Variants in ATXN1 observed in about 807,000 individuals in gnomAD.
The protein encoded by ATXN1 is ataxin-1.
ATXN1 carries 8 observed loss-of-function variants against 56.4 expected under a neutral mutation model. The observed-to-expected ratio is 0.14, with a 90% CI of 0.08 to 0.26. The LOEUF (loss-of-function observed/expected upper bound fraction) is 0.26, where lower values mean the gene tolerates loss of function less well. Among genes scored for constraint, ATXN1 ranks in the 10% least tolerant of loss-of-function variants. The probability of loss-of-function intolerance (pLI) is 1.00; values close to 1 mark genes in which losing one functional copy is unlikely to be tolerated. For missense variants in ATXN1, 987 were observed against 1,106.5 expected (o/e 0.89, Z 1.53); for synonymous variants, 514 against 494.6 (o/e 1.04, Z -0.52).
intron 5 of ATXN1, among the ~76,000 whole-genome samples, chr6:16,490,224 T>C (rs1760634402): frequency 6.6e-6 from 1 of 152,104 alleles, no homozygotes. Context: ...GCCTCTCTAC[T>C]TGGAGTCTGA....
chr6:16,603,311 T>C (rs1762944917), intron 3 of ATXN1, among the ~76,000 whole-genome samples: 1 of 152,108 alleles, frequency 6.6e-6, no homozygotes, highest in Non-Finnish European at 1.5e-5. Context: ...CACTCCTCCC[T>C]CCTCTCCTTC....
chr6:16,386,682 G>T (rs1254237386), intron 6 of ATXN1, among the ~76,000 whole-genome samples: 1 of 152,102 alleles, frequency 6.6e-6, no homozygotes, highest in Non-Finnish European at 1.5e-5. Context: ...CTTGTGTAAA[G>T]AGTATAATGG....
intron 2 of ATXN1, among the ~76,000 whole-genome samples, chr6:16,673,314 G>A (rs1380076211): frequency 4.6e-5 from 7 of 152,144 alleles, no homozygotes; most frequent in Non-Finnish European, 7.3e-5. Context: ...CATACTTTCC[G>A]GCTTTACCAA....
At chr6:16,655,730 T>C (rs1282555341) in intron 3 of ATXN1, among the ~76,000 whole-genome samples, 1 of 151,640 alleles carries the variant, frequency 6.6e-6, no homozygotes, top group Non-Finnish European at 1.5e-5. Flanking sequence ...ATTAAATACA[T>C]AAAAATGAAT....
At chr6:16,723,122 A>G (rs1338014982) in intron 2 of ATXN1, among the ~76,000 whole-genome samples, 1 of 152,220 alleles carries the variant, frequency 6.6e-6, no homozygotes, top group African/African-American at 2.4e-5. Flanking sequence ...GGAGAATTCT[A>G]CTAAGGATTA....
intron 4 of ATXN1, among the ~76,000 whole-genome samples, chr6:16,558,889 C>T (rs1762064239): frequency 1.3e-5 from 2 of 151,652 alleles, no homozygotes; most frequent in Admixed American, 1.3e-4. Context: ...GACAAAAGGA[C>T]TAATCTTTTT....
At chr6:16,681,927 A>C (rs1758820549) in intron 2 of ATXN1, among the ~76,000 whole-genome samples, 1 of 152,202 alleles carries the variant, frequency 6.6e-6, no homozygotes, top group Admixed American at 6.5e-5. Flanking sequence ...ATGCATGATT[A>C]AAGTACCAAT....
At chr6:16,567,945 T>A (rs1456094958) in intron 4 of ATXN1, among the ~76,000 whole-genome samples, 1 of 152,198 alleles carries the variant, frequency 6.6e-6, no homozygotes, top group Non-Finnish European at 1.5e-5. Flanking sequence ...GTATTTTCCT[T>A]CCATGTGTTA....
chr6:16,448,651 G>C (rs1159284482), intron 6 of ATXN1, among the ~76,000 whole-genome samples: 1 of 152,194 alleles, frequency 6.6e-6, no homozygotes, highest in African/African-American at 2.4e-5. Context: ...AAATAAAAGT[G>C]TCTTACATTG....
rs140869551 is a variant in ATXN1 at position 16,452,014 on chromosome 6, C to T, written c.-161+33958G>A. ...CCCTCACTAGGGAAGTCCCCTTAGG[C>T]GTCCGAATGTCAGGCCGTTCTTAGA... On this transcript the variant is annotated intron_variant, in intron 6 of 7. Coordinates refer to ENST00000436367, the MANE Select transcript of ATXN1 (RefSeq NM_001128164.2). Among the ~76,000 whole-genome samples, 258 of 152,270 alleles carry T rather than the reference C, an allele frequency of 1.7e-3. 1 individual carries two copies. Among genetic ancestry groups the T allele is most frequent in the African/African-American group, 5.4e-3 (226 of 41,536 alleles).
At chr6:16,516,025 G>A (rs568417811) in intron 5 of ATXN1, among the ~76,000 whole-genome samples, 5 of 152,214 alleles carry the variant, frequency 3.3e-5, no homozygotes, top group Non-Finnish European at 7.3e-5. Flanking sequence ...AGACAGTGAT[G>A]TGTCTAAGAC....
At chr6:16,504,613 A>G (rs1187795820) in intron 5 of ATXN1, among the ~76,000 whole-genome samples, 1 of 152,294 alleles carries the variant, frequency 6.6e-6, no homozygotes, top group East Asian at 1.9e-4. Flanking sequence ...TCACACTTGG[A>G]GAAGCAAAAA....
chr6:16,694,742 A>G (rs1048359424), intron 2 of ATXN1, among the ~76,000 whole-genome samples: 14 of 152,104 alleles, frequency 9.2e-5, no homozygotes, highest in African/African-American at 1.7e-4. Flanking sequence ...AGAATTCCTG[A>G]TAAGAGGGTC....
chr6:16,757,571 G>T (rs533968872), intron 1 of ATXN1, among the ~76,000 whole-genome samples: 1 of 151,946 alleles, frequency 6.6e-6, no homozygotes, highest in Non-Finnish European at 1.5e-5. Context: ...CTCACAAAAC[G>T]GTAAAAACTC....
chr6:16,348,463 C>T (rs1331428914), intron 6 of ATXN1, among the ~76,000 whole-genome samples: 2 of 151,826 alleles, frequency 1.3e-5, no homozygotes, highest in East Asian at 1.9e-4. Context: ...TTTCAGAGGC[C>T]GAGGGGGGGC....
At chr6:16,753,792 A>G (rs1760798912) in intron 1 of ATXN1, among the ~76,000 whole-genome samples, 1 of 152,244 alleles carries the variant, frequency 6.6e-6, no homozygotes, top group South Asian at 2.1e-4. Flanking sequence ...ACAATGATGA[A>G]AGTGCACAGC....
chr6:16,531,623 C>CAAA (rs5874561), intron 4 of ATXN1, among the ~76,000 whole-genome samples: 4 of 102,534 alleles, frequency 3.9e-5, no homozygotes, highest in African/African-American at 1.2e-4. Context: ...AACTGTGTCT[C>CAAA]AAAAAAAAAA....
At chr6:16,746,662 T>C (rs952387352) in intron 2 of ATXN1, among the ~76,000 whole-genome samples, 6 of 152,208 alleles carry the variant, frequency 3.9e-5, no homozygotes, top group African/African-American at 1.4e-4. Context: ...GGAGGAAGTA[T>C]TCAGGTATGA....
chr6:16,718,678 C>A (rs1238233163), intron 2 of ATXN1, among the ~76,000 whole-genome samples: 1 of 152,248 alleles, frequency 6.6e-6, no homozygotes, highest in Non-Finnish European at 1.5e-5. Flanking sequence ...TGGAGACCAT[C>A]TGAACTGCCA....
Sources: allele counts gnomAD v4.1 joint callset (sites outside exome capture counted in the v4.1 genomes callset), GRCh38; gene constraint gnomAD v4.1.1; transcripts MANE v1.5; gene names NCBI Gene and HGNC (gene_info 2026-07-23, HGNC 2026-07-21).